WDR90: variants seen among roughly 807,000 people sequenced by gnomAD.
WDR90 encodes the protein WD repeat-containing protein 90.
WDR90 carries 238 observed loss-of-function variants against 195.2 expected under a neutral mutation model. The observed-to-expected ratio is 1.22, with a 90% confidence interval of 1.10 to 1.36. The LOEUF (loss-of-function observed/expected upper bound fraction) is 1.36, where lower values mean the gene tolerates loss of function less well. Among genes scored for constraint, WDR90 ranks in the 40% most tolerant of loss-of-function variants. The pLI, the probability that WDR90 is intolerant of heterozygous loss-of-function variation, is 0.00. For synonymous variants in WDR90, 1,265 were observed against 1,052.4 expected, an observed-to-expected ratio of 1.20 and a Z score of -3.91; for missense variants, 2,734 against 2,439.5, an observed-to-expected ratio of 1.12 and a Z score of -2.54.
Position 665,393 on chromosome 16 carries a change from C to G in WDR90, c.4312-286C>G. On this transcript the variant is annotated intron_variant, in intron 34 of 40. Coordinates refer to ENST00000293879, the MANE Select transcript of WDR90 (RefSeq NM_145294.5). ...CAGTCTGTAGCCTGCTAGGGATGCA[C>G]GGCCACGCTCCTGTCTTTGAGGTGC... The G allele has an allele frequency of 5.1e-6, 3 of 583,270 alleles. No individual in the cohort carries two copies. The East Asian group carries it at 8.7e-5, about 17-fold the overall frequency. The allele number at this position is 583,270 out of a possible 1,614,324, so 36.1% of individuals were successfully genotyped here.
intron 36 of WDR90, 25 bp downstream of exon 36, chr16:666,149 T>C: frequency 1.2e-6 from 2 of 1,607,406 alleles, no homozygotes; most frequent in Non-Finnish European, 1.7e-6. Context: ...GTGTTGGGGA[T>C]GGTGCCGTCC....
chr16:662,122 G>A, intron 32 of WDR90, 63 bp downstream of exon 32: 6 of 1,563,592 alleles, frequency 3.8e-6, no homozygotes, highest in Non-Finnish European at 5.2e-6. Context: ...CAGAGCTGGG[G>A]CAGAGGCCTC....
Position 651,810 on chromosome 16 carries a change from C to T in WDR90, c.841-17C>T. On this transcript the variant is annotated splice_polypyrimidine_tract_variant and intron_variant, in intron 8 of 40. Coordinates refer to ENST00000293879, the MANE Select transcript of WDR90 (RefSeq NM_145294.5). ...TGTGATGGCCCAGGACGCTGATGGG[C>T]ACTTGTCCCCCAGCAGTCCGGCCGG... The T allele has an allele frequency of 1.2e-6, 2 of 1,611,298 alleles. No individual in the cohort carries two copies. Among genetic ancestry groups the T allele is most frequent in the African/African-American group, 1.3e-5 (1 of 75,054 alleles).
At position 661,763 on chromosome 16, in the gene WDR90, G is replaced by T; in HGVS notation, c.3840G>T (p.Gln1280His). Residue 1280 changes from glutamine (Q) to histidine (H), a missense_variant, in exon 31 of 41, where the codon CAG becomes CAT. Coordinates refer to ENST00000293879, the MANE Select transcript of WDR90 (RefSeq NM_145294.5). The part of the protein sequence containing the change: ...QGTVTFWLLQ[Q>H]RGADISLQVR... Reference sequence around the variant, plus strand: ...CTGTCACCTTCTGGCTCCTTCAGCAGCGTGGGGCAGACATCAGCCTTCAGG... The same window carrying T: ...CTGTCACCTTCTGGCTCCTTCAGCATCGTGGGGCAGACATCAGCCTTCAGG... The T allele has an allele frequency of 1.2e-6, 2 of 1,606,368 alleles. No individual in the cohort carries two copies. The highest frequency in any genetic ancestry group is 1.7e-6 in the Non-Finnish European group (2 of 1,176,440).
rs2037902987 is a variant in WDR90 at position 661,115 on chromosome 16, G to A, written c.3456G>A (p.Gln1152=). ...VVEDLHSGAQ[Q]HWSGHSAEIS... is the part of the protein sequence containing the mutation. ...AGGACCTGCACTCTGGCGCCCAGCA[G>A]CACTGGTCCGGCCACTCTGCGGAGA... Residue 1152 remains glutamine (Q), a synonymous_variant, in exon 29 of 41, where the codon CAG becomes CAA. Transcript: ENST00000293879. 6.4e-7 allele frequency: 1 copy of A among 1,561,658 alleles called. No homozygotes were observed. The highest frequency in any genetic ancestry group is 8.6e-7 in the Non-Finnish European group (1 of 1,162,026).
At chr16:659,836 G>A (rs982778773) in intron 26 of WDR90, among the ~76,000 whole-genome samples, 2 of 152,200 alleles carry the variant, frequency 1.3e-5, no homozygotes, top group Non-Finnish European at 2.9e-5. Flanking sequence ...CGCTGGTGCC[G>A]GTGCAGGGGC....
rs1450148482 is a variant in WDR90, at chr16:660,699, T to C, written c.3376T>C (p.Trp1126Arg). The change falls in exon 28 of 41, where the codon TGG (tryptophan) becomes CGG (arginine). Residue 1126 changes from tryptophan to arginine, a missense_variant. Transcript: ENST00000293879. ...CGGGAATGGGCGGGCCAACATGGTC[T>C]GGAGGCCGGACACAGGTGGGGGCCA... ...YSGNGRANMV[W>R]RPDTGFFAYT... The C allele has an allele frequency of 1.9e-6, 3 of 1,571,052 alleles. No individual in the cohort carries two copies. The highest frequency in any genetic ancestry group is 2.6e-6 in the Non-Finnish European group (3 of 1,158,470).
At chr16:650,860 G>C in intron 5 of WDR90, 135 bp from the exon 6 acceptor site, 1 of 1,470,158 alleles carries the variant, frequency 6.8e-7, no homozygotes, top group Non-Finnish European at 9.3e-7. Context: ...CAGCCCTGGG[G>C]TCAGAACCCA....
At position 655,759 on chromosome 16, in the gene WDR90, C is replaced by T; in HGVS notation, c.1850-14C>T. 1 of 1,582,094 alleles carries T rather than the reference C, an allele frequency of 6.3e-7. No individual in the cohort carries two copies. The highest frequency in any genetic ancestry group is 8.6e-7 in the Non-Finnish European group (1 of 1,163,726). On this transcript the variant is annotated splice_polypyrimidine_tract_variant and intron_variant, in intron 16 of 40. Transcript: ENST00000293879. ...GGCAGGGACACCGAGGCACTGACGC[C>T]TCCCTGCCCCCAGGCCCCGGCATTG...
At position 662,796 on chromosome 16, in the gene WDR90, C is replaced by T. The variant is rs2037944594; in HGVS notation, c.4263C>T (p.Ser1421=). Reference sequence around the variant, plus strand: ...CGGCGGGCACGCTGTGGTTTGTCAGCTGGGCCGAGGGCACCAGCACACGTC... The same window carrying T: ...CGGCGGGCACGCTGTGGTTTGTCAGTTGGGCCGAGGGCACCAGCACACGTC... ...GTTAGTLWFV[S]WAEGTSTRLI... Residue 1421 remains serine, a synonymous_variant, in exon 34 of 41, where the codon AGC becomes AGT. Coordinates refer to ENST00000293879, the MANE Select transcript of WDR90 (RefSeq NM_145294.5). 2.5e-6 allele frequency: 4 copies of T among 1,601,900 alleles called. No individual in the cohort carries two copies. The highest frequency in any genetic ancestry group is 1.7e-4 in the Middle Eastern group (1 of 6,048).
rs375941033 is a variant in WDR90, at chr16:666,210, A to T, written c.4610-10A>T. ...GGCTGGGGGCTCACAGGGTGACGGCATGGTCCCAGGTCAGACTGTCCTCTC... is the reference window on the plus strand; with the variant it reads ...GGCTGGGGGCTCACAGGGTGACGGCTTGGTCCCAGGTCAGACTGTCCTCTC... On this transcript the variant is annotated splice_polypyrimidine_tract_variant and intron_variant, in intron 36 of 40. Coordinates refer to ENST00000293879, the MANE Select transcript of WDR90 (RefSeq NM_145294.5). 20 of 1,609,396 alleles carry T rather than the reference A, an allele frequency of 1.2e-5. No homozygotes were observed. Among genetic ancestry groups the T allele is most frequent in the Non-Finnish European group, 1.4e-5 (16 of 1,177,422 alleles).
rs1273336585 is a variant in WDR90, at chr16:656,429, C to T, written c.2094C>T (p.Ser698=). 1 of 1,603,062 alleles carries T rather than the reference C, an allele frequency of 6.2e-7. No homozygotes were observed. Among genetic ancestry groups the T allele is most frequent in the African/African-American group, 1.3e-5 (1 of 74,826 alleles). Residue 698 remains serine, a synonymous_variant, in exon 18 of 41, where the codon TCC becomes TCT. Transcript: ENST00000293879. Reference sequence around the variant, plus strand: ...GGGTGTACCACATGCTGGCTCGCTCCCACACCGCCCCGGTGTTGGCCCTCG... The same window carrying T: ...GGGTGTACCACATGCTGGCTCGCTCTCACACCGCCCCGGTGTTGGCCCTCG... ...LSRVYHMLAR[S]HTAPVLALAM... is the part of the protein sequence containing the mutation.
At position 665,944 on chromosome 16, in the gene WDR90, C is replaced by T. The variant is rs748347191; in HGVS notation, c.4435-6C>T. On this transcript the variant is annotated splice_polypyrimidine_tract_variant and splice_region_variant and intron_variant, in intron 35 of 40. Transcript: ENST00000293879. ...GTGCTGAAGTTTCCCCACTGTGGGT[C>T]CCCAGAGCTGCCTCTGCCTGGCATG... 4.4e-6 allele frequency: 7 copies of T among 1,579,752 alleles called. No homozygotes were observed. Among genetic ancestry groups the T allele is most frequent in the Middle Eastern group, 3.6e-4 (2 of 5,598 alleles).
rs1448884246 is a variant in WDR90, at chr16:650,989, T to C, written c.560-6T>C. On this transcript the variant is annotated splice_polypyrimidine_tract_variant and splice_region_variant and intron_variant, in intron 5 of 40. Transcript: ENST00000293879. Reference sequence around the variant, plus strand: ...CCTTGACCTGGAACAACCCTGCTCCTTGTAGCCATCTCTGGGGCCCAGTGG... The same window carrying C: ...CCTTGACCTGGAACAACCCTGCTCCCTGTAGCCATCTCTGGGGCCCAGTGG... The C allele has an allele frequency of 5.0e-6, 8 of 1,612,828 alleles. No homozygotes were observed. Among genetic ancestry groups the C allele is most frequent in the Non-Finnish European group, 6.8e-6 (8 of 1,179,912 alleles).
rs902894068 is a variant in WDR90 at position 656,357 on chromosome 16, G to C, written c.2022G>C (p.Leu674=). ...TCAGCCCCGATGGCCTCCGTGTGCT[G>C]TCTGCCACCTCCTCGGGCCACCTGG... ...VCVSPDGLRV[L]SATSSGHLGF... Residue 674 remains leucine, a synonymous_variant, in exon 18 of 41, where the codon CTG becomes CTC. Coordinates refer to ENST00000293879, the MANE Select transcript of WDR90 (RefSeq NM_145294.5). 1 of 1,609,732 alleles carries C rather than the reference G, an allele frequency of 6.2e-7. No homozygotes were observed. The highest frequency in any genetic ancestry group is 1.3e-5 in the African/African-American group (1 of 74,982).
intron 6 of WDR90, 43 bp downstream of exon 6, chr16:651,146 A>C: frequency 4.1e-6 from 3 of 727,032 alleles, no homozygotes; most frequent in Non-Finnish European, 6.9e-6. Context: ...CGGTGGTGGG[A>C]GGGTGGGTGG....
At chr16:657,495 T>A (rs375677030) in intron 20 of WDR90, 1 of 699,734 alleles carries the variant, frequency 1.4e-6, no homozygotes, top group African/African-American at 1.8e-5. Flanking sequence ...GACCCAGGCA[T>A]GGGCACCTGC....
At chr16:651,543 G>T in intron 7 of WDR90, 101 bp from the exon 8 acceptor site, 3 of 1,195,938 alleles carry the variant, frequency 2.5e-6, no homozygotes, top group Admixed American at 2.0e-5. Context: ...TGCAGAGCCG[G>T]TGAGGCTGGG....
In WDR90 at chr16:655,850, C is replaced by T. The variant is rs1201533176; in HGVS notation, c.1927C>T (p.Leu643Phe). 1.3e-6 allele frequency: 2 copies of T among 1,598,696 alleles called. No homozygotes were observed. The highest frequency in any genetic ancestry group is 1.7e-5 in the Admixed American group (1 of 57,806). Residue 643 changes from leucine to phenylalanine, a missense_variant, in exon 17 of 41, where the codon CTC becomes TTC. Transcript: ENST00000293879. ...GGGCTCTGAGGACGGCTTCTTGCGG[C>T]TCTGGCCCCTGGACTTCTCCTCGGT... is the stretch of plus-strand genomic sequence containing the variant. ...AVGSEDGFLRLWPLDFSSVLL... is the reference protein window; with the variant it reads ...AVGSEDGFLRFWPLDFSSVLL...
Sources: gnomAD v4.1 joint callset for allele counts (sites outside exome capture counted in the v4.1 genomes callset) on GRCh38, gnomAD v4.1.1 for gene constraint, MANE v1.5 for transcripts, NCBI Gene and HGNC (gene_info 2026-07-23, HGNC 2026-07-21) for gene names.